The following IGHMBP2 variants were observed in gnomAD, a reference collection of about 807,000 sequenced individuals.
IGHMBP2 encodes DNA-binding protein SMUBP-2.
IGHMBP2 carries 81 observed loss-of-function variants against 96.0 expected under a neutral mutation model. The ratio of observed to expected loss-of-function variants is 0.84; its 90% CI spans 0.71 to 1.01. The LOEUF (loss-of-function observed/expected upper bound fraction) is 1.01, where lower values mean the gene tolerates loss of function less well. Ranked by LOEUF, IGHMBP2 falls within the 50% of genes least tolerant of loss-of-function variation. The pLI, the probability that IGHMBP2 is intolerant of heterozygous loss-of-function variation, is 0.00. For synonymous variants in IGHMBP2, 557 were observed against 548.9 expected, an observed-to-expected ratio of 1.01 and a Z score of -0.21; for missense variants, 1,227 against 1,306.3, an observed-to-expected ratio of 0.94 and a Z score of 0.94.
chr11:68,932,087 C>T (rs1859331774), intron 8 of IGHMBP2, among the ~76,000 whole-genome samples: 1 of 141,562 alleles, frequency 7.1e-6, no homozygotes, highest in Non-Finnish European at 1.5e-5. Context: ...CATTGGGTGG[C>T]GTTCCCTGGA....
chr11:68,932,114 C>T (rs1005676792), intron 8 of IGHMBP2, among the ~76,000 whole-genome samples: 12 of 123,172 alleles, frequency 9.7e-5, no homozygotes, highest in South Asian at 2.7e-4. Context: ...AGGATGGTTT[C>T]GGGGGAAGAC....
intron 2 of IGHMBP2, among the ~76,000 whole-genome samples, chr11:68,907,128 G>C (rs777414832): frequency 6.6e-6 from 1 of 152,122 alleles, no homozygotes; most frequent in Non-Finnish European, 1.5e-5. Flanking sequence ...AGATGTGGTG[G>C]TGTGTGCCTG....
rs777211178 is a variant in IGHMBP2 at position 68,935,280 on chromosome 11, A to C, written c.1633-19A>C. 1 of 1,613,428 alleles carries C rather than the reference A, an allele frequency of 6.2e-7. No individual in the cohort carries two copies. Among genetic ancestry groups the C allele is most frequent in the Non-Finnish European group, 8.5e-7 (1 of 1,179,882 alleles). On this transcript the variant is annotated intron_variant, in intron 11 of 14. Coordinates refer to ENST00000255078, the MANE Select transcript of IGHMBP2 (RefSeq NM_002180.3). ...TGGCATGGGTGGGTGAGGAAACCAC[A>C]GCCCGGCTGGTGTTTCAGGTGGACC...
chr11:68,932,024 G>T (rs930486221), intron 8 of IGHMBP2, among the ~76,000 whole-genome samples: 1 of 150,194 alleles, frequency 6.7e-6, no homozygotes, highest in Non-Finnish European at 1.5e-5. Context: ...GATGGTTTCG[G>T]GGAAAACATT....
In IGHMBP2 at chr11:68,929,867, G is replaced by GCCC. The variant is rs1320964460; in HGVS notation, c.1235+510_1235+511insCCC. 111 of 977,872 alleles carry GCCC rather than the reference G, an allele frequency of 1.1e-4. 1 individual carries two copies. Among genetic ancestry groups the GCCC allele is most frequent in the East Asian group, 5.7e-4 (5 of 8,728 alleles). The allele number at this position is 977,872 out of a possible 1,614,324, so 60.6% of individuals were successfully genotyped here. A position where few individuals can be genotyped will look rare whatever the true frequency, so the allele number is the denominator to read the frequency against. On this transcript the variant is annotated intron_variant, in intron 8 of 14. Coordinates refer to ENST00000255078, the MANE Select transcript of IGHMBP2 (RefSeq NM_002180.3). ...AGGCTGTCCTGGTGGAGACACTGGAGTCCTGATGCGGTGGCCTGGCCCAGG... is the reference window on the plus strand; with the variant it reads ...AGGCTGTCCTGGTGGAGACACTGGAGCCCTCCTGATGCGGTGGCCTGGCCCAGG...
rs140282966 is a variant in IGHMBP2, at chr11:68,934,653, C to T, written c.1632+95C>T. 1,282 of 997,562 alleles carry T rather than the reference C, an allele frequency of 1.3e-3. 11 individuals are homozygous for T. The African/African-American group carries it at 0.018, about 14-fold the overall frequency. 61.8% of individuals were successfully genotyped at this position (997,562 alleles called of 1,614,324 possible). Reference sequence around the variant, plus strand: ...AGGGTGATTTGTTGGCTGTGGTGACCGAAAAGTTCAGGGGTAGGGCTGACC... The same window carrying T: ...AGGGTGATTTGTTGGCTGTGGTGACTGAAAAGTTCAGGGGTAGGGCTGACC... On this transcript the variant is annotated intron_variant, in intron 11 of 14. Coordinates refer to ENST00000255078, the MANE Select transcript of IGHMBP2 (RefSeq NM_002180.3).
chr11:68,916,649 G>C (rs999738400), intron 6 of IGHMBP2, among the ~76,000 whole-genome samples: 1 of 152,106 alleles, frequency 6.6e-6, no homozygotes, highest in African/African-American at 2.4e-5. Context: ...GAGGAGTGGC[G>C]GCAGCAGAGA....
At chr11:68,930,043 C>T in intron 8 of IGHMBP2, 2 of 1,134,966 alleles carry the variant, frequency 1.8e-6, no homozygotes, top group Non-Finnish European at 2.2e-6. Flanking sequence ...CTCGCTGGCC[C>T]CTCTGCCTGG....
rs755103682 is a variant in IGHMBP2, at chr11:68,911,444, G to A, written c.552G>A (p.Pro184=). The A allele has an allele frequency of 6.2e-6, 10 of 1,613,702 alleles. No individual in the cohort carries two copies. Among genetic ancestry groups the A allele is most frequent in the East Asian group, 2.2e-5 (1 of 44,876 alleles). Residue 184 remains proline (P), a synonymous_variant, in exon 5 of 15, where the codon CCG becomes CCA. Coordinates refer to ENST00000255078, the MANE Select transcript of IGHMBP2 (RefSeq NM_002180.3). ...ACGCTGCTGCTTCTTCCACAGACCCGCTGACATTCTTCAACACCTGCCTGG... is the reference window on the plus strand; with the variant it reads ...ACGCTGCTGCTTCTTCCACAGACCCACTGACATTCTTCAACACCTGCCTGG... The part of the protein sequence containing the change: ...SAPSPASEIH[P]LTFFNTCLDT...
At chr11:68,920,263 C>T (rs1858830182) in intron 7 of IGHMBP2, among the ~76,000 whole-genome samples, 1 of 152,162 alleles carries the variant, frequency 6.6e-6, no homozygotes, top group African/African-American at 2.4e-5. Flanking sequence ...CCCAATCTGT[C>T]ACCTAGGCTG....
Position 68,936,796 on chromosome 11 carries a change from C to T in IGHMBP2, c.2316C>T (p.Ser772=), listed in dbSNP as rs546382. ...AEEHGLRHDS[S]GEGKRRFITV... ...AGCACGGGCTGAGGCACGACAGTTCCGGGGAAGGGAAGAGGAGGTTCATCA... is the reference window on the plus strand; with the variant it reads ...AGCACGGGCTGAGGCACGACAGTTCTGGGGAAGGGAAGAGGAGGTTCATCA... Residue 772 remains serine, a synonymous_variant, in exon 13 of 15, where the codon TCC becomes TCT. Coordinates refer to ENST00000255078, the MANE Select transcript of IGHMBP2 (RefSeq NM_002180.3). The T allele has an allele frequency of 0.3, 476,744 of 1,613,750 alleles. 74,656 individuals are homozygous for T. Among genetic ancestry groups the T allele is most frequent in the South Asian group, 0.46 (41,540 of 91,082 alleles).
At chr11:68,905,375 C>T (rs1408577837) in intron 1 of IGHMBP2, among the ~76,000 whole-genome samples, 1 of 152,216 alleles carries the variant, frequency 6.6e-6, no homozygotes, top group African/African-American at 2.4e-5. Context: ...TTACTTACTT[C>T]ATCTGTAAAA....
Position 68,938,137 on chromosome 11 carries a change from A to G in IGHMBP2, c.2612-45A>G, listed in dbSNP as rs377714944. The G allele has an allele frequency of 5.3e-5, 85 of 1,602,524 alleles. 1 individual carries two copies. The highest frequency in any genetic ancestry group is 7.0e-5 in the Non-Finnish European group (82 of 1,169,718). On this transcript the variant is annotated intron_variant, in intron 13 of 14. Transcript: ENST00000255078. ...ATTTTAAAACCTTAAATGAGGGGCC[A>G]GGTGTTGTCTTTCCGTTTGCCTGAG...
At chr11:68,918,926 T>C (rs918029225) in intron 7 of IGHMBP2, among the ~76,000 whole-genome samples, 9 of 152,250 alleles carry the variant, frequency 5.9e-5, no homozygotes. Flanking sequence ...GCTTGTTCTT[T>C]TTCTTGCTTC....
At chr11:68,931,426 G>A (rs747136155) in intron 8 of IGHMBP2, among the ~76,000 whole-genome samples, 5 of 152,104 alleles carry the variant, frequency 3.3e-5, no homozygotes, top group Non-Finnish European at 7.4e-5. Context: ...CAGATCTGGC[G>A]GCTGCAGCTG....
chr11:68,939,655 T>C lies in IGHMBP2; in HGVS notation c.2906T>C (p.Leu969Pro). 6.2e-7 allele frequency: 1 copy of C among 1,613,378 alleles called. No individual in the cohort carries two copies. The highest frequency in any genetic ancestry group is 1.3e-5 in the African/African-American group (1 of 75,036). The change falls in exon 15 of 15, where the codon CTG becomes CCG. Residue 969 changes from leucine to proline, a missense_variant. Leu to Pro is a moderately conservative substitution (Grantham distance 98). Coordinates refer to ENST00000255078, the MANE Select transcript of IGHMBP2 (RefSeq NM_002180.3). ...GSLDPAKRAQ[L>P]QRRLDKKLSE... Reference sequence around the variant, plus strand: ...CTGGACCCAGCCAAGAGGGCCCAGCTGCAGAGGAGGCTGGATAAGAAGCTG... The same window carrying C: ...CTGGACCCAGCCAAGAGGGCCCAGCCGCAGAGGAGGCTGGATAAGAAGCTG...
rs563655104 is a variant in IGHMBP2, at chr11:68,940,544, G to A, written c.*813G>A. The A allele has an allele frequency of 2.0e-5, 3 of 152,262 alleles. No individual in the cohort carries two copies. Among genetic ancestry groups the A allele is most frequent in the Admixed American group, 1.3e-4 (2 of 15,294 alleles). The allele number at this position is 152,262 out of a possible 1,614,324, so 9.4% of individuals were successfully genotyped here. A position where few individuals can be genotyped will look rare whatever the true frequency, so the allele number is the denominator to read the frequency against. On this transcript the variant is annotated 3_prime_UTR_variant, in exon 15 of 15. Transcript: ENST00000255078. The stretch of plus-strand genomic sequence containing the variant: ...CTCAGATGATGTACCTGAGCCTCAG[G>A]GTTTTGTTTCAGAGGGATATAAATT...
At chr11:68,909,191 G>A (rs1177328805) in intron 4 of IGHMBP2, among the ~76,000 whole-genome samples, 16 of 116,248 alleles carry the variant, frequency 1.4e-4, no homozygotes, top group African/African-American at 4.0e-4. Context: ...GGGGTGGAGG[G>A]GGGGGGCGGA....
intron 13 of IGHMBP2, 35 bp from the exon 14 acceptor site, chr11:68,938,147 T>G: frequency 1.2e-6 from 2 of 1,613,014 alleles, no homozygotes; most frequent in Non-Finnish European, 1.7e-6. Context: ...AGGTGTTGTC[T>G]TTCCGTTTGC....
Sources: allele counts gnomAD v4.1 joint callset (sites outside exome capture counted in the v4.1 genomes callset), GRCh38; gene constraint gnomAD v4.1.1; transcripts MANE v1.5; gene names NCBI Gene and HGNC (gene_info 2026-07-23, HGNC 2026-07-21).